HIKESHI: variants seen among roughly 807,000 people sequenced by gnomAD.
HIKESHI encodes protein Hikeshi.
Under a neutral mutation model 25.7 loss-of-function variants are expected in HIKESHI, and 13 were observed. The observed-to-expected ratio is 0.51, with a 90% CI of 0.33 to 0.80. The LOEUF is 0.80. HIKESHI is among the 30% of genes least tolerant of loss of function. The pLI is 0.02. For synonymous variants in HIKESHI, 76 were observed against 78.7 expected (o/e 0.97, Z 0.18); for missense variants, 174 against 229.5 (o/e 0.76, Z 1.56).
At chr11:86,311,141 G>A (rs2138310844) in intron 2 of HIKESHI, among the ~76,000 whole-genome samples, 1 of 152,264 alleles carries the variant, frequency 6.6e-6, no homozygotes, top group South Asian at 2.1e-4. Context: ...AGTGGTACCA[G>A]CTATTCTTTG....
chr11:86,332,231 T>A (rs1947445969), intron 2 of HIKESHI, among the ~76,000 whole-genome samples: 1 of 152,190 alleles, frequency 6.6e-6, no homozygotes, highest in African/African-American at 2.4e-5. Flanking sequence ...CGCAAAGTGC[T>A]GGGATTACAG....
intron 2 of HIKESHI, among the ~76,000 whole-genome samples, chr11:86,327,318 T>G (rs534524371): frequency 5.9e-5 from 9 of 152,132 alleles, no homozygotes; most frequent in South Asian, 2.1e-4. Flanking sequence ...GTTTTCCTTT[T>G]TTTTTTTCTT....
At chr11:86,337,331 GACT>G (rs1225465179) in intron 2 of HIKESHI, 45 bp from the exon 3 acceptor site, 2 of 1,549,598 alleles carry the variant, frequency 1.3e-6, no homozygotes, top group Non-Finnish European at 8.7e-7. Flanking sequence ...GAAATTGTGT[GACT>G]ACAAGTTTAA....
In HIKESHI at chr11:86,345,694, T is replaced by C; in HGVS notation, c.*56T>C. On this transcript the variant is annotated 3_prime_UTR_variant, in exon 5 of 5. Transcript: ENST00000278483. ...AAATTTGTCATGTTTTGAAGATAAC[T>C]GACTCCATCTAAAAGTATGAGGTCA... 4 of 1,109,910 alleles carry C rather than the reference T, an allele frequency of 3.6e-6. No homozygotes were observed. The highest frequency in any genetic ancestry group is 5.3e-6 in the Non-Finnish European group (4 of 757,582). The allele number at this position is 1,109,910 out of a possible 1,614,324, so 68.8% of individuals were successfully genotyped here.
At chr11:86,325,057 T>C (rs367810532) in intron 2 of HIKESHI, among the ~76,000 whole-genome samples, 2 of 151,854 alleles carry the variant, frequency 1.3e-5, no homozygotes, top group Non-Finnish European at 2.9e-5. Flanking sequence ...TACGTGCCTA[T>C]AGTCCCACTA....
At chr11:86,318,323 A>AAAAAAAAAAAAAAAAAAAAAAAAAAAAC (rs1947050217) in intron 2 of HIKESHI, among the ~76,000 whole-genome samples, 1 of 144,788 alleles carries the variant, frequency 6.9e-6, no homozygotes, top group Admixed American at 7.0e-5. Context: ...AAAAAAAAAA[A>AAAAAAAAAAAAAAAAAAAAAAAAAAAAC]TCCTGAATAG....
intron 2 of HIKESHI, among the ~76,000 whole-genome samples, chr11:86,317,777 C>T (rs1364209901): frequency 1.3e-5 from 2 of 151,684 alleles, no homozygotes; most frequent in Admixed American, 1.3e-4. Context: ...TGTACTCCAG[C>T]CTGGGCGATA....
chr11:86,335,926 C>T (rs796699050), intron 2 of HIKESHI, among the ~76,000 whole-genome samples: 9 of 152,132 alleles, frequency 5.9e-5, no homozygotes, highest in South Asian at 2.1e-4. Context: ...ACAGAGGAAA[C>T]GAACAGAAAC....
At chr11:86,322,866 A>AT in intron 2 of HIKESHI, among the ~76,000 whole-genome samples, 1 of 152,188 alleles carries the variant, frequency 6.6e-6, no homozygotes, top group Middle Eastern at 3.4e-3. Flanking sequence ...TCATGAACAT[A>AT]TTTTTCTGCA....
intron 2 of HIKESHI, among the ~76,000 whole-genome samples, chr11:86,334,267 T>G (rs1466560416): frequency 1.3e-5 from 2 of 148,658 alleles, no homozygotes; most frequent in African/African-American, 5.1e-5. Context: ...TGTGTGTGTG[T>G]GTGTGTAAAG....
intron 3 of HIKESHI, among the ~76,000 whole-genome samples, chr11:86,340,753 T>A (rs181107041): frequency 6.6e-6 from 1 of 152,330 alleles, no homozygotes; most frequent in African/African-American, 2.4e-5. Context: ...CAAGCAATTC[T>A]CCTGTCTCAG....
chr11:86,328,968 TGC>T (rs766445033), intron 2 of HIKESHI, among the ~76,000 whole-genome samples: 8 of 151,664 alleles, frequency 5.3e-5, no homozygotes, highest in Admixed American at 2.0e-4. Flanking sequence ...TGCTTGTAAC[TGC>T]TGTTTTCTGC....
intron 2 of HIKESHI, among the ~76,000 whole-genome samples, chr11:86,318,303 CAAAA>C (rs71040230): frequency 3.4e-4 from 12 of 35,678 alleles, no homozygotes; most frequent in African/African-American, 1.1e-3. Context: ...GACTCCGTCT[CAAAA>C]AAAAAAAAAA....
chr11:86,324,153 T>C (rs1947215840), intron 2 of HIKESHI: 1 of 152,094 alleles, frequency 6.6e-6, no homozygotes, highest in Non-Finnish European at 1.5e-5. Flanking sequence ...AACCTGATGG[T>C]CTCTCATTCC....
At chr11:86,341,400 C>T (rs966367339) in intron 3 of HIKESHI, among the ~76,000 whole-genome samples, 1 of 151,662 alleles carries the variant, frequency 6.6e-6, no homozygotes, top group Non-Finnish European at 1.5e-5. Context: ...AATTTATGCT[C>T]AAACTCTACT....
intron 3 of HIKESHI, among the ~76,000 whole-genome samples, chr11:86,341,638 C>CCCA (rs1793077942): frequency 6.6e-6 from 1 of 152,060 alleles, no homozygotes; most frequent in African/African-American, 2.4e-5. Flanking sequence ...CATCACCAAA[C>CCCA]CCACCTAACT....
intron 1 of HIKESHI, among the ~76,000 whole-genome samples, chr11:86,304,689 T>G (rs144946427): frequency 1.7e-4 from 26 of 152,246 alleles, no homozygotes; most frequent in African/African-American, 5.8e-4. Flanking sequence ...CTAATTTTTA[T>G]ATTTTTAGTA....
intron 2 of HIKESHI, among the ~76,000 whole-genome samples, chr11:86,318,190 G>C (rs796857735): frequency 1.3e-5 from 2 of 150,352 alleles, no homozygotes; most frequent in South Asian, 2.1e-4. Flanking sequence ...TGTAATCCTA[G>C]CTACTTGAGA....
chr11:86,316,874 A>T (rs978729107), intron 2 of HIKESHI, among the ~76,000 whole-genome samples: 5 of 135,734 alleles, frequency 3.7e-5, no homozygotes, highest in African/African-American at 1.4e-4. Flanking sequence ...GCTCATTGCA[A>T]GCTCCACCTC....
Sources: allele counts gnomAD v4.1 joint callset (sites outside exome capture counted in the v4.1 genomes callset), GRCh38; gene constraint gnomAD v4.1.1; transcripts MANE v1.5; gene names NCBI Gene and HGNC (gene_info 2026-07-23, HGNC 2026-07-21).